The following NUP205 variants were observed in gnomAD, a reference collection of about 807,000 sequenced individuals.
NUP205 encodes nuclear pore complex protein Nup205.
NUP205 carries 76 observed loss-of-function variants against 253.8 expected under a neutral mutation model. That is an observed-to-expected ratio of 0.30 (90% CI 0.25 to 0.36). NUP205 has a LOEUF of 0.36. Ranked by LOEUF, NUP205 falls within the 10% of genes least tolerant of loss-of-function variation. NUP205 has a pLI of 1.00. For synonymous variants in NUP205, 832 were observed against 850.1 expected (o/e 0.98, Z 0.37); for missense variants, 2,162 against 2,425.5 (o/e 0.89, Z 2.28).
At position 135,571,113 on chromosome 7, in the gene NUP205, C is replaced by G. The variant is rs776683835; in HGVS notation, c.37C>G (p.Leu13Val). ...TTTATTTTTTCTTTAAGCTGCTAGT[C>G]TATGGGGTCCTTACAAAGACATTTG... ...TPLAVNSAAS[L>V]WGPYKDIWHK... The change falls in exon 2 of 43, where the codon CTA (leucine) becomes GTA (valine). Residue 13 changes from leucine (L) to valine (V), a missense_variant. Physicochemically the swap from Leu to Val is conservative, Grantham distance 32 (BLOSUM62 1). Around this residue, in one of 5 missense-constraint regions of NUP205, gnomAD observed 109 missense variants for 131.8 expected, o/e 0.83. Coordinates refer to ENST00000285968, the MANE Select transcript of NUP205 (RefSeq NM_015135.3). 6 of 1,552,924 alleles carry G rather than the reference C, an allele frequency of 3.9e-6. No homozygotes were observed. The highest frequency in any genetic ancestry group is 5.2e-6 in the Non-Finnish European group (6 of 1,150,198).
intron 35 of NUP205, 27 bp from the exon 36 acceptor site, chr7:135,635,554 T>C: frequency 8.2e-7 from 1 of 1,216,014 alleles, no homozygotes; most frequent in Non-Finnish European, 1.2e-6. Context: ...TATAATAATA[T>C]GTTTTAAAGC....
intron 22 of NUP205, chr7:135,613,586 G>T (rs989626111): frequency 6.6e-6 from 1 of 150,738 alleles, no homozygotes; most frequent in African/African-American, 2.4e-5. Flanking sequence ...CACCAGGCTG[G>T]AGTGCAGTGT....
intron 14 of NUP205, 99 bp downstream of exon 14, chr7:135,597,517 A>C: frequency 1.4e-6 from 1 of 713,372 alleles, no homozygotes; most frequent in Non-Finnish European, 2.4e-6. Flanking sequence ...CATAATTATC[A>C]AATTTAATGT....
At chr7:135,568,774 C>A (rs1805858481) in intron 1 of NUP205, among the ~76,000 whole-genome samples, 1 of 152,190 alleles carries the variant, frequency 6.6e-6, no homozygotes, top group African/African-American at 2.4e-5. Flanking sequence ...GCTCTGAATT[C>A]TCTTTCATGC....
chr7:135,559,521 C>T (rs1480271679), intron 1 of NUP205, among the ~76,000 whole-genome samples: 2 of 151,886 alleles, frequency 1.3e-5, no homozygotes, highest in Non-Finnish European at 2.9e-5. Flanking sequence ...CAGGCATGTG[C>T]CACCACGCTG....
intron 35 of NUP205, among the ~76,000 whole-genome samples, chr7:135,634,134 C>G (rs780191588): frequency 6.6e-6 from 1 of 152,206 alleles, no homozygotes; most frequent in Admixed American, 6.5e-5. Context: ...TGAGGCCTCA[C>G]CATGTTGTCC....
chr7:135,586,240 C>T (rs1806460477), intron 8 of NUP205, among the ~76,000 whole-genome samples: 1 of 151,726 alleles, frequency 6.6e-6, no homozygotes, highest in African/African-American at 2.4e-5. Context: ...CCTTAGGATT[C>T]TTGTATTATT....
intron 28 of NUP205, 69 bp from the exon 29 acceptor site, chr7:135,619,354 G>C: frequency 6.8e-7 from 1 of 1,466,288 alleles, no homozygotes; most frequent in Non-Finnish European, 9.3e-7. Context: ...AAAAAAAAAA[G>C]CTATGAAATT....
intron 36 of NUP205, among the ~76,000 whole-genome samples, chr7:135,636,537 G>A (rs1232044633): frequency 1.3e-5 from 2 of 152,064 alleles, no homozygotes; most frequent in African/African-American, 2.4e-5. Flanking sequence ...TTATTGGTAT[G>A]GAGGAAGACA....
chr7:135,605,496 A>G (rs182235439), intron 19 of NUP205, among the ~76,000 whole-genome samples: 35 of 152,292 alleles, frequency 2.3e-4, no homozygotes, highest in African/African-American at 7.9e-4. Flanking sequence ...GATTACTTAG[A>G]TGACTCCACT....
chr7:135,596,577 C>T (rs1162186943), intron 13 of NUP205, among the ~76,000 whole-genome samples: 4 of 151,966 alleles, frequency 2.6e-5, no homozygotes, highest in Non-Finnish European at 5.9e-5. Context: ...TTTATTATAC[C>T]ATAGACTACT....
At chr7:135,640,342 G>A (rs1471768061) in intron 38 of NUP205, among the ~76,000 whole-genome samples, 1 of 152,144 alleles carries the variant, frequency 6.6e-6, no homozygotes, top group African/African-American at 2.4e-5. Context: ...TATTAAATTT[G>A]TTGTTGTTGT....
intron 42 of NUP205, among the ~76,000 whole-genome samples, chr7:135,647,121 A>G (rs779931845): frequency 6.6e-6 from 1 of 152,346 alleles, no homozygotes; most frequent in Non-Finnish European, 1.5e-5. Flanking sequence ...AACAATTACA[A>G]TGAAAACCTC....
At chr7:135,602,117 C>T (rs943083090) in intron 17 of NUP205, among the ~76,000 whole-genome samples, 11 of 152,120 alleles carry the variant, frequency 7.2e-5, no homozygotes, top group Non-Finnish European at 1.3e-4. Flanking sequence ...CTTTTTACCA[C>T]GATGCTATAT....
intron 22 of NUP205, among the ~76,000 whole-genome samples, chr7:135,609,434 C>T (rs189281533): frequency 1.2e-3 from 178 of 151,010 alleles, no homozygotes; most frequent in Non-Finnish European, 1.9e-3. Context: ...GCCGAGATCG[C>T]GCCACTGCAC....
At chr7:135,562,112 A>G (rs1805599040) in intron 1 of NUP205, among the ~76,000 whole-genome samples, 1 of 151,394 alleles carries the variant, frequency 6.6e-6, no homozygotes, top group Non-Finnish European at 1.5e-5. Context: ...CTATTCCTTC[A>G]CCCATTCTGG....
chr7:135,616,136 G>T, intron 24 of NUP205, 71 bp downstream of exon 24: 3 of 1,441,630 alleles, frequency 2.1e-6, no homozygotes, highest in Non-Finnish European at 2.8e-6. Flanking sequence ...TCTGAAGCTT[G>T]TGCTTAGTAT....
chr7:135,605,218 T>C (rs1008160263), intron 19 of NUP205, among the ~76,000 whole-genome samples: 1 of 152,146 alleles, frequency 6.6e-6, no homozygotes, highest in Non-Finnish European at 1.5e-5. Flanking sequence ...GGTTTTACCA[T>C]GTTACCCAGG....
Position 135,630,595 on chromosome 7 carries a change from G to A in NUP205, c.5059+125G>A, listed in dbSNP as rs1025379625. The A allele has an allele frequency of 7.0e-6, 5 of 712,270 alleles. No homozygotes were observed. The African/African-American group carries it at 9.2e-5, about 13-fold the overall frequency. 44.1% of individuals were successfully genotyped at this position (712,270 alleles called of 1,614,324 possible). A position where few individuals can be genotyped will look rare whatever the true frequency, so the allele number is the denominator to read the frequency against. ...ATTTGAAATTGGTACTGCTAACAGAGCCTTTATTTATGTAATAAGTTTATG... is the reference window on the plus strand; with the variant it reads ...ATTTGAAATTGGTACTGCTAACAGAACCTTTATTTATGTAATAAGTTTATG... On this transcript the variant is annotated intron_variant, in intron 35 of 42. Coordinates refer to ENST00000285968, the MANE Select transcript of NUP205 (RefSeq NM_015135.3).
Sources: gnomAD v4.1 joint callset for allele counts (sites outside exome capture counted in the v4.1 genomes callset) on GRCh38, gnomAD v4.1.1 for gene constraint, gnomAD v4.1.1 regional missense constraint, MANE v1.5 for transcripts, NCBI Gene and HGNC (gene_info 2026-07-23, HGNC 2026-07-21) for gene names.